ZNF521: variants seen among roughly 807,000 people sequenced by gnomAD.
ZNF521 encodes the protein zinc finger protein 521, also known as LYST-interacting protein 3.
In ZNF521, 14 loss-of-function variants were observed where a neutral mutation model predicts 105.5. The observed-to-expected ratio is 0.13, with a 90% confidence interval of 0.09 to 0.21. The LOEUF is 0.21. ZNF521 is among the 10% of genes least tolerant of loss of function. The pLI is 1.00. For synonymous variants in ZNF521, 635 were observed against 606.0 expected (o/e 1.05, Z -0.70); for missense variants, 1,233 against 1,629.7 (o/e 0.76, Z 4.19).
At chr18:25,253,197 A>G (rs1447747435) in intron 3 of ZNF521, among the ~76,000 whole-genome samples, 1 of 152,192 alleles carries the variant, frequency 6.6e-6, no homozygotes, top group Non-Finnish European at 1.5e-5. Context: ...ACAAAAAAGC[A>G]AAAAAGAATT....
intron 3 of ZNF521, among the ~76,000 whole-genome samples, chr18:25,239,007 G>A (rs901966115): frequency 1.3e-5 from 2 of 152,086 alleles, no homozygotes; most frequent in African/African-American, 4.8e-5. Context: ...ACTCAGCTGT[G>A]CCTTTCCCGT....
intron 5 of ZNF521, among the ~76,000 whole-genome samples, chr18:25,194,323 T>C (rs773399265): frequency 6.6e-6 from 1 of 151,738 alleles, no homozygotes; most frequent in African/African-American, 2.4e-5. Context: ...AAAAATAGCA[T>C]AAAGTAATAG....
At chr18:25,300,331 TACTA>T (rs1276219095) in intron 3 of ZNF521, among the ~76,000 whole-genome samples, 1 of 152,216 alleles carries the variant, frequency 6.6e-6, no homozygotes, top group African/African-American at 2.4e-5. Context: ...GTTTTGTAGC[TACTA>T]ACTTTCATAA....
At chr18:25,262,987 G>C (rs1401314562) in intron 3 of ZNF521, among the ~76,000 whole-genome samples, 4 of 152,198 alleles carry the variant, frequency 2.6e-5, no homozygotes, top group African/African-American at 9.6e-5. Context: ...AAGCAGGACA[G>C]AGCACAGAGT....
intron 3 of ZNF521, among the ~76,000 whole-genome samples, chr18:25,281,091 G>A (rs1006545924): frequency 2.0e-5 from 3 of 152,156 alleles, no homozygotes; most frequent in Non-Finnish European, 4.4e-5. Flanking sequence ...GGACTTAGGG[G>A]TGAAGAGTCC....
chr18:25,333,756 C>A (rs1427938921), intron 2 of ZNF521, among the ~76,000 whole-genome samples: 1 of 152,154 alleles, frequency 6.6e-6, no homozygotes, highest in Non-Finnish European at 1.5e-5. Flanking sequence ...GGGATAATTT[C>A]AGGATGGTAA....
At chr18:25,113,531 T>C (rs1319106494) in intron 5 of ZNF521, among the ~76,000 whole-genome samples, 1 of 152,142 alleles carries the variant, frequency 6.6e-6, no homozygotes, top group Non-Finnish European at 1.5e-5. Context: ...GCTTTAGTGC[T>C]ATTTAGGTTT....
At chr18:25,284,901 T>TGCGC (rs34702394) in intron 3 of ZNF521, among the ~76,000 whole-genome samples, 5 of 146,210 alleles carry the variant, frequency 3.4e-5, no homozygotes, top group African/African-American at 1.3e-4. Flanking sequence ...CTCATGTGCG[T>TGCGC]GCGCGCGCGC....
At chr18:25,351,872 TCGGCAGCGGCGG>T (rs1227806828) in intron 1 of ZNF521, 121 bp downstream of exon 1, 36 of 268,028 alleles carry the variant, frequency 1.3e-4, no homozygotes, top group Admixed American at 2.8e-4. Flanking sequence ...TACGGCTGCC[TCGGCAGCGGCGG>T]CGGCAGCAGC....
chr18:25,134,689 C>G (rs1307678883), intron 5 of ZNF521, among the ~76,000 whole-genome samples: 2 of 152,150 alleles, frequency 1.3e-5, no homozygotes, highest in African/African-American at 4.8e-5. Flanking sequence ...AGACTGACAT[C>G]TCTGAGATAA....
intron 7 of ZNF521, among the ~76,000 whole-genome samples, chr18:25,085,227 G>A (rs1599990946): frequency 6.7e-6 from 1 of 148,406 alleles, no homozygotes. Flanking sequence ...ATTTTTATGT[G>A]TATATATATA....
intron 3 of ZNF521, among the ~76,000 whole-genome samples, chr18:25,314,240 G>A (rs1464615861): frequency 1.3e-5 from 2 of 152,008 alleles, no homozygotes; most frequent in South Asian, 2.1e-4. Context: ...TTATGAAAAC[G>A]ATGCTTCATT....
chr18:25,192,624 T>G (rs1279943959), intron 5 of ZNF521, among the ~76,000 whole-genome samples: 3 of 151,854 alleles, frequency 2.0e-5, no homozygotes, highest in Admixed American at 2.0e-4. Context: ...AGTAAGAGGC[T>G]TTTCAGATAG....
At chr18:25,290,555 T>C (rs913758852) in intron 3 of ZNF521, among the ~76,000 whole-genome samples, 2 of 151,950 alleles carry the variant, frequency 1.3e-5, no homozygotes, top group Non-Finnish European at 2.9e-5. Flanking sequence ...GAGAGCAATT[T>C]CTACTTCTAT....
intron 5 of ZNF521, among the ~76,000 whole-genome samples, chr18:25,168,674 A>G (rs1344174559): frequency 6.6e-6 from 1 of 152,128 alleles, no homozygotes; most frequent in Non-Finnish European, 1.5e-5. Flanking sequence ...CGTGAGCTAC[A>G]AATACAGTAA....
At chr18:25,169,054 TG>T (rs1390891330) in intron 5 of ZNF521, among the ~76,000 whole-genome samples, 2 of 152,150 alleles carry the variant, frequency 1.3e-5, no homozygotes, top group African/African-American at 2.4e-5. Context: ...TACATTTTCC[TG>T]GCACTATATT....
chr18:25,267,409 C>T (rs1442267060), intron 3 of ZNF521, among the ~76,000 whole-genome samples: 3 of 152,204 alleles, frequency 2.0e-5, no homozygotes. Context: ...GATCACCCAG[C>T]ACAGCATTCG....
At chr18:25,216,311 T>C (rs1905321946) in intron 4 of ZNF521, among the ~76,000 whole-genome samples, 1 of 152,220 alleles carries the variant, frequency 6.6e-6, no homozygotes, top group Non-Finnish European at 1.5e-5. Flanking sequence ...AGATGAACTT[T>C]GGATTGTTAC....
At chr18:25,216,034 G>C (rs1905305690) in intron 4 of ZNF521, among the ~76,000 whole-genome samples, 1 of 152,150 alleles carries the variant, frequency 6.6e-6, no homozygotes, top group Non-Finnish European at 1.5e-5. Flanking sequence ...TCTTTAGAGG[G>C]AGTTTAACCC....
Sources: allele counts gnomAD v4.1 joint callset (sites outside exome capture counted in the v4.1 genomes callset), GRCh38; gene constraint gnomAD v4.1.1; transcripts MANE v1.5; gene names NCBI Gene and HGNC (gene_info 2026-07-23, HGNC 2026-07-21).